Variants in SGPP2 observed in about 807,000 individuals in gnomAD.
The protein encoded by SGPP2 is sphingosine 1-phosphate phosphohydrolase 2.
In SGPP2, 30 loss-of-function variants were observed where a neutral mutation model predicts 33.9. The ratio of observed to expected loss-of-function variants is 0.89; its 90% CI spans 0.66 to 1.20. The LOEUF (loss-of-function observed/expected upper bound fraction) is 1.20. SGPP2 is among the 50% of genes most tolerant of loss of function. SGPP2 has a pLI of 0.00. For missense variants in SGPP2, 458 were observed against 532.1 expected (o/e 0.86, Z 1.37); for synonymous variants, 233 against 225.0 (o/e 1.04, Z -0.32).
intron 2 of SGPP2, among the ~76,000 whole-genome samples, chr2:222,508,946 G>C (rs1368234497): frequency 1.3e-5 from 2 of 152,020 alleles, no homozygotes; most frequent in African/African-American, 4.8e-5. Context: ...AAAAAGCTCT[G>C]AATTTAAAAA....
Position 222,460,030 on chromosome 2 carries a change from T to C in SGPP2, c.220-14538T>C, listed in dbSNP as rs1158121896. 6.6e-6 allele frequency among the ~76,000 whole-genome samples: 1 copy of C among 152,194 alleles called. No individual in the cohort carries two copies. The highest frequency in any genetic ancestry group is 1.5e-5 in the Non-Finnish European group (1 of 68,032). ...CCTTGGGCATAGGAACCACAGTCCC[T>C]GTTTTCAGAGCAGGAATCTGAAGCG... On this transcript the variant is annotated intron_variant, in intron 1 of 4. Transcript: ENST00000321276. The surrounding 1 kb of genome is among the most constrained non-coding windows in gnomAD (Gnocchi z 4.3).
intron 4 of SGPP2, among the ~76,000 whole-genome samples, chr2:222,548,955 T>C (rs1689247523): frequency 6.6e-6 from 1 of 152,248 alleles, no homozygotes; most frequent in Non-Finnish European, 1.5e-5. Context: ...CTAAAAGTTA[T>C]TTTCTAGAGT....
intron 4 of SGPP2, among the ~76,000 whole-genome samples, chr2:222,527,203 A>G (rs572066302): frequency 8.7e-4 from 133 of 152,240 alleles, no homozygotes; most frequent in African/African-American, 3.0e-3. Context: ...GGAATATTAT[A>G]TGCTTTTTTT....
intron 1 of SGPP2, among the ~76,000 whole-genome samples, chr2:222,473,024 A>G (rs1681563092): frequency 6.6e-6 from 1 of 152,164 alleles, no homozygotes; most frequent in African/African-American, 2.4e-5. Flanking sequence ...AAAAAAACAA[A>G]CAAACAAAAA....
At chr2:222,495,588 C>T (rs542852216) in intron 2 of SGPP2, among the ~76,000 whole-genome samples, 2 of 152,076 alleles carry the variant, frequency 1.3e-5, no homozygotes, top group African/African-American at 2.4e-5. Context: ...TGCTAGAAAA[C>T]AGAAACCATG....
At chr2:222,541,409 AAGG>A (rs2106148920) in intron 4 of SGPP2, among the ~76,000 whole-genome samples, 1 of 152,212 alleles carries the variant, frequency 6.6e-6, no homozygotes, top group South Asian at 2.1e-4. Flanking sequence ...ATAGCCAGGG[AAGG>A]AGAAGAAAGT....
At chr2:222,478,422 G>C (rs915062684) in intron 2 of SGPP2, among the ~76,000 whole-genome samples, 1 of 152,028 alleles carries the variant, frequency 6.6e-6, no homozygotes, top group Non-Finnish European at 1.5e-5. Context: ...AGGTTGGGGC[G>C]GATTTGGGAG....
intron 1 of SGPP2, among the ~76,000 whole-genome samples, chr2:222,462,349 C>A (rs1697676250): frequency 1.3e-5 from 2 of 151,978 alleles, no homozygotes; most frequent in Non-Finnish European, 1.5e-5. Context: ...CATGTTAGAG[C>A]AAAAGTGAGC....
intron 2 of SGPP2, chr2:222,498,544 G>T (rs758649234): frequency 6.6e-6 from 1 of 151,164 alleles, no homozygotes; most frequent in Non-Finnish European, 1.5e-5. Context: ...GTTGTATTCC[G>T]AACATTTAAA....
chr2:222,449,784 A>G (rs1250473849), intron 1 of SGPP2, among the ~76,000 whole-genome samples: 2 of 152,198 alleles, frequency 1.3e-5, no homozygotes, highest in Non-Finnish European at 2.9e-5. Context: ...TAATTTTCTA[A>G]AAGCCAGTTA....
chr2:222,444,671 C>T (rs976820684), intron 1 of SGPP2, among the ~76,000 whole-genome samples: 1 of 152,136 alleles, frequency 6.6e-6, no homozygotes, highest in Non-Finnish European at 1.5e-5. Flanking sequence ...CCTTGATTCC[C>T]CATAAGAAAA....
At position 222,538,804 on chromosome 2, in the gene SGPP2, G is replaced by A. The variant is rs1048862760; in HGVS notation, c.648+13771G>A. On this transcript the variant is annotated intron_variant, in intron 4 of 4. Transcript: ENST00000321276. The stretch of plus-strand genomic sequence containing the variant: ...ACACACTTTTAAATGACCAGATCTC[G>A]TGAGAACTCTTATCACTAGAACAGC... 1.1e-4 allele frequency among the ~76,000 whole-genome samples: 16 copies of A among 152,080 alleles called. 1 individual carries two copies. Among genetic ancestry groups the A allele is most frequent in the Non-Finnish European group, 1.3e-4 (9 of 68,002 alleles).
intron 2 of SGPP2, among the ~76,000 whole-genome samples, chr2:222,487,202 G>A (rs1348364033): frequency 6.6e-6 from 1 of 152,138 alleles, no homozygotes; most frequent in African/African-American, 2.4e-5. Context: ...TAAGAATTAG[G>A]TGACCTGGTT....
chr2:222,455,290 T>C (rs1697555721), intron 1 of SGPP2, among the ~76,000 whole-genome samples: 1 of 151,682 alleles, frequency 6.6e-6, no homozygotes, highest in African/African-American at 2.4e-5. Context: ...GGTTATGATG[T>C]GGAGCCAGGG....
chr2:222,451,720 T>G (rs971791327), intron 1 of SGPP2, among the ~76,000 whole-genome samples: 9 of 152,190 alleles, frequency 5.9e-5, no homozygotes, highest in African/African-American at 1.7e-4. Context: ...ATCAAACTCT[T>G]AATCAAAGGA....
chr2:222,519,600 G>A (rs776787981), intron 2 of SGPP2, among the ~76,000 whole-genome samples: 12 of 152,096 alleles, frequency 7.9e-5, no homozygotes, highest in African/African-American at 2.7e-4. Flanking sequence ...GGATATATGC[G>A]CAGGTTTGTC....
At chr2:222,535,245 GCAGGTGC>G (rs1392374378) in intron 4 of SGPP2, among the ~76,000 whole-genome samples, 5 of 152,104 alleles carry the variant, frequency 3.3e-5, no homozygotes, top group African/African-American at 1.2e-4. Context: ...AGGCATGATG[GCAGGTGC>G]CTATAATCCC....
intron 4 of SGPP2, among the ~76,000 whole-genome samples, chr2:222,539,121 C>T (rs989767056): frequency 4.6e-5 from 7 of 152,116 alleles, no homozygotes; most frequent in African/African-American, 1.4e-4. Context: ...AAGTCCCTTC[C>T]GTCTAGGAGC....
At chr2:222,485,479 G>A (rs1352046121) in intron 2 of SGPP2, among the ~76,000 whole-genome samples, 2 of 152,200 alleles carry the variant, frequency 1.3e-5, no homozygotes, top group Admixed American at 6.5e-5. Context: ...TTGTTTCGGA[G>A]CTGGAGGCCT....
Sources: allele counts gnomAD v4.1 joint callset (sites outside exome capture counted in the v4.1 genomes callset), GRCh38; gene constraint gnomAD v4.1.1; non-coding constraint Gnocchi (gnomAD v3.1); transcripts MANE v1.5; gene names NCBI Gene and HGNC (gene_info 2026-07-23, HGNC 2026-07-21).